HMCN1: variants seen among roughly 807,000 people sequenced by gnomAD.
HMCN1 encodes hemicentin-1.
HMCN1 carries 321 observed loss-of-function variants against 625.9 expected under a neutral mutation model. That is an observed-to-expected ratio of 0.51 (90% CI 0.47 to 0.56). The LOEUF is 0.56. HMCN1 is among the 20% of genes least tolerant of loss of function. The probability of loss-of-function intolerance (pLI) is 0.00; values close to 1 mark genes in which losing one functional copy is unlikely to be tolerated. For synonymous variants in HMCN1, 2,425 were observed against 2,417.6 expected (o/e 1.00, Z -0.09); for missense variants, 6,588 against 6,887.3 (o/e 0.96, Z 1.54).
Position 186,102,021 on chromosome 1 carries a change from A to G in HMCN1, c.10574-1451A>G, listed in dbSNP as rs190820879. The stretch of plus-strand genomic sequence containing the variant: ...GGACTATGAGGAGCAAGAAAGGACG[A>G]AGCTTGTTGAGAGATTTGAAGTCTA... On this transcript the variant is annotated intron_variant, in intron 68 of 106. Transcript: ENST00000271588. Among the ~76,000 whole-genome samples the G allele has an allele frequency of 9.7e-4, 148 of 152,234 alleles. 3 individuals are homozygous for G. In the South Asian group the frequency reaches 0.016, roughly 17 times the overall value.
At chr1:186,044,173 T>C (rs187438825) in intron 40 of HMCN1, among the ~76,000 whole-genome samples, 10 of 152,322 alleles carry the variant, frequency 6.6e-5, no homozygotes, top group Admixed American at 5.9e-4. Context: ...GTATCTTTTA[T>C]TGAATGTGTT....
chr1:186,082,301 G>T (rs867568862), intron 56 of HMCN1, among the ~76,000 whole-genome samples: 11 of 152,176 alleles, frequency 7.2e-5, no homozygotes, highest in African/African-American at 2.4e-4. Flanking sequence ...CTGCTGGTTT[G>T]CTAGATGATT....
At chr1:186,043,811 T>TA (rs1490920701) in intron 40 of HMCN1, among the ~76,000 whole-genome samples, 1 of 152,156 alleles carries the variant, frequency 6.6e-6, no homozygotes, top group Non-Finnish European at 1.5e-5. Context: ...GGCTCATGCC[T>TA]ATAATCCCAG....
chr1:186,045,911 T>C (rs372695873), intron 41 of HMCN1, 48 bp downstream of exon 41: 47 of 1,401,964 alleles, frequency 3.4e-5, no homozygotes, highest in Non-Finnish European at 4.2e-5. Flanking sequence ...TAGAAGTTCA[T>C]GGTTTTGGTA....
chr1:185,791,916 G>C (rs1202337886), intron 1 of HMCN1, among the ~76,000 whole-genome samples: 1 of 152,128 alleles, frequency 6.6e-6, no homozygotes, highest in Non-Finnish European at 1.5e-5. Context: ...TCCAGGATAT[G>C]CTTCACCCAG....
intron 43 of HMCN1, among the ~76,000 whole-genome samples, chr1:186,053,614 C>G (rs1006511291): frequency 5.3e-5 from 8 of 152,016 alleles, no homozygotes; most frequent in Non-Finnish European, 1.2e-4. Flanking sequence ...TCAACAACTC[C>G]TTAAGCCCAC....
At chr1:185,937,626 A>G (rs1667875088) in intron 11 of HMCN1, among the ~76,000 whole-genome samples, 1 of 152,188 alleles carries the variant, frequency 6.6e-6, no homozygotes, top group Non-Finnish European at 1.5e-5. Flanking sequence ...TCACGCCTGT[A>G]ATCCCAGCAC....
intron 4 of HMCN1, among the ~76,000 whole-genome samples, chr1:185,879,379 C>A (rs898891101): frequency 3.2e-4 from 49 of 152,130 alleles, no homozygotes; most frequent in Middle Eastern, 3.4e-3. Context: ...TCTATGTTGC[C>A]CAGGCTGGTT....
chr1:186,181,388 C>CT (rs1005663322), intron 104 of HMCN1, among the ~76,000 whole-genome samples: 13 of 152,222 alleles, frequency 8.5e-5, no homozygotes, highest in East Asian at 3.9e-4. Context: ...TCTCACCCTC[C>CT]TTTTTTTGCC....
At chr1:186,028,722 C>CAT (rs1275867040) in intron 36 of HMCN1, among the ~76,000 whole-genome samples, 2 of 125,780 alleles carry the variant, frequency 1.6e-5, no homozygotes, top group East Asian at 4.5e-4. Context: ...ATTTCTAAAG[C>CAT]ATATTTTTTT....
intron 56 of HMCN1, among the ~76,000 whole-genome samples, chr1:186,082,399 T>G (rs1454107174): frequency 6.6e-6 from 1 of 152,184 alleles, no homozygotes; most frequent in East Asian, 1.9e-4. Context: ...AAGTGATCTC[T>G]ACCCTCCAGC....
At chr1:186,133,189 A>G (rs921587227) in intron 86 of HMCN1, among the ~76,000 whole-genome samples, 2 of 152,216 alleles carry the variant, frequency 1.3e-5, no homozygotes, top group African/African-American at 4.8e-5. Flanking sequence ...ATTATAAATC[A>G]TGCTGCTATA....
At chr1:185,855,486 A>T (rs984588290) in intron 2 of HMCN1, among the ~76,000 whole-genome samples, 6 of 152,260 alleles carry the variant, frequency 3.9e-5, no homozygotes, top group South Asian at 4.1e-4. Flanking sequence ...CTTACTGTCC[A>T]TTATAACTCA....
At chr1:186,163,488 C>T (rs996632907) in intron 97 of HMCN1, among the ~76,000 whole-genome samples, 22 of 152,136 alleles carry the variant, frequency 1.4e-4, no homozygotes, top group African/African-American at 4.3e-4. Context: ...GGAAATCACC[C>T]GTCTTCTGCC....
chr1:186,123,135 C>A lies in HMCN1; in HGVS notation c.12414C>A (p.Val4138=). ...LSSGSLQIAF[V]QPGDAGHYTC... ...CTGGCTCTCTGCAAATAGCATTTGT[C>A]CAGCCTGGTGATGCTGGCCATTACA... The change falls in exon 81 of 107, where the codon GTC becomes GTA. Residue 4138 remains valine, a synonymous_variant. Coordinates refer to ENST00000271588, the MANE Select transcript of HMCN1 (RefSeq NM_031935.3). The A allele has an allele frequency of 6.2e-7, 1 of 1,614,038 alleles. No homozygotes were observed. The highest frequency in any genetic ancestry group is 8.5e-7 in the Non-Finnish European group (1 of 1,179,964).
intron 38 of HMCN1, among the ~76,000 whole-genome samples, 188 bp downstream of exon 38, chr1:186,039,193 T>C (rs1198813421): frequency 2.0e-5 from 3 of 152,236 alleles, no homozygotes; most frequent in African/African-American, 4.8e-5. Context: ...AATTTCCACA[T>C]GCTGTTGACT....
chr1:185,926,622 G>T (rs1667290565), intron 9 of HMCN1, among the ~76,000 whole-genome samples: 2 of 152,170 alleles, frequency 1.3e-5, no homozygotes, highest in Non-Finnish European at 2.9e-5. Context: ...GTGGCCCAGA[G>T]ATATGACATG....
At chr1:185,910,777 G>T (rs966456022) in intron 5 of HMCN1, among the ~76,000 whole-genome samples, 6 of 152,094 alleles carry the variant, frequency 3.9e-5, no homozygotes, top group Admixed American at 2.6e-4. Flanking sequence ...CACCATGTTG[G>T]TCAGGCTGGT....
chr1:185,778,623 G>T (rs1011947313), intron 1 of HMCN1, among the ~76,000 whole-genome samples: 1 of 151,336 alleles, frequency 6.6e-6, no homozygotes, highest in Admixed American at 6.6e-5. Context: ...GAGATAGTTT[G>T]CTGAGAATGA....
Sources: allele counts gnomAD v4.1 joint callset (sites outside exome capture counted in the v4.1 genomes callset), GRCh38; gene constraint gnomAD v4.1.1; transcripts MANE v1.5; gene names NCBI Gene and HGNC (gene_info 2026-07-23, HGNC 2026-07-21).